Variants in PANK4 observed in about 807,000 individuals in gnomAD.
The protein encoded by PANK4 is 4'-phosphopantetheine phosphatase.
Under a neutral mutation model 87.9 loss-of-function variants are expected in PANK4, and 40 were observed. The ratio of observed to expected loss-of-function variants is 0.46; its 90% CI spans 0.35 to 0.59. The LOEUF (loss-of-function observed/expected upper bound fraction) is 0.59, where lower values mean the gene tolerates loss of function less well. Ranked by LOEUF, PANK4 falls within the 20% of genes least tolerant of loss-of-function variation. PANK4 has a pLI of 0.00. For missense variants in PANK4, 926 were observed against 1,072.3 expected, an observed-to-expected ratio of 0.86 and a Z score of 1.90; for synonymous variants, 524 against 467.4, an observed-to-expected ratio of 1.12 and a Z score of -1.56.
In PANK4 at chr1:2,520,191, C is replaced by T; in HGVS notation, c.699+131G>A. 3 of 877,370 alleles carry T rather than the reference C, an allele frequency of 3.4e-6. No homozygotes were observed. Among genetic ancestry groups the T allele is most frequent in the Non-Finnish European group, 5.5e-6 (3 of 546,010 alleles). The allele number at this position is 877,370 out of a possible 1,614,324, so 54.3% of individuals were successfully genotyped here. ...GCGCAAAGAGTGAAGCCGCAGAGGC[C>T]AGAGACCCACTGACGCGAGTCAGGA... On this transcript the variant is annotated intron_variant, in intron 5 of 18. Coordinates refer to ENST00000378466, the MANE Select transcript of PANK4 (RefSeq NM_018216.4). The surrounding 1 kb of genome is among the most constrained non-coding windows in gnomAD (Gnocchi z 6.2).
chr1:2,515,250 A>G lies in PANK4; in HGVS notation c.1374+312T>C, dbSNP rs1305100744. 3.7e-6 allele frequency: 2 copies of G among 547,470 alleles called. No homozygotes were observed. The highest frequency in any genetic ancestry group is 7.0e-6 in the Non-Finnish European group (2 of 284,696). 33.9% of individuals were successfully genotyped at this position (547,470 alleles called of 1,614,324 possible). On this transcript the variant is annotated intron_variant, in intron 10 of 18. Coordinates refer to ENST00000378466, the MANE Select transcript of PANK4 (RefSeq NM_018216.4). The surrounding 1 kb of genome is among the most constrained non-coding windows in gnomAD (Gnocchi z 5.0). ...GGTCCCACAATGCCTCCCGCACCTC[A>G]GTCACACCTCAAAAGAGCAGAGACG...
Position 2,519,026 on chromosome 1 carries a change from C to T in PANK4, c.1035+117G>A. The stretch of plus-strand genomic sequence containing the variant: ...GTCAGAAGGGAGGGGTGCTGGGCTT[C>T]TTGGCCCCCACCCTCCAGGCCTCCC... On this transcript the variant is annotated intron_variant, in intron 7 of 18. Transcript: ENST00000378466. The surrounding 1 kb of genome is among the most constrained non-coding windows in gnomAD (Gnocchi z 8.3). 2 of 972,158 alleles carry T rather than the reference C, an allele frequency of 2.1e-6. No individual in the cohort carries two copies. The highest frequency in any genetic ancestry group is 3.1e-6 in the Non-Finnish European group (2 of 644,294). The allele number at this position is 972,158 out of a possible 1,614,324, so 60.2% of individuals were successfully genotyped here. A position where few individuals can be genotyped will look rare whatever the true frequency, so the allele number is the denominator to read the frequency against.
chr1:2,513,374 G>C (rs1367136306), intron 12 of PANK4, among the ~76,000 whole-genome samples: 1 of 152,260 alleles, frequency 6.6e-6, no homozygotes, highest in Non-Finnish European at 1.5e-5. Flanking sequence ...ACAAGGCTCG[G>C]CGTGTGAGGG....
Position 2,509,946 on chromosome 1 carries a change from T to C in PANK4, c.2040-16A>G, listed in dbSNP as rs200709447. 7.3e-5 allele frequency: 118 copies of C among 1,609,078 alleles called. No homozygotes were observed. In the East Asian group the frequency reaches 2.0e-3, roughly 27 times the overall value. On this transcript the variant is annotated splice_polypyrimidine_tract_variant and intron_variant, in intron 17 of 18. Transcript: ENST00000378466. The surrounding 1 kb of genome is among the most constrained non-coding windows in gnomAD (Gnocchi z 4.9). ...GAGCGCAGAGCTGCCAGATACAAGG[T>C]GGTCAGTGCCCCCAGGAGCTCCCAG...
Position 2,513,030 on chromosome 1 carries a change from G to A in PANK4, c.1585C>T (p.Arg529Trp), listed in dbSNP as rs12403246. Residue 529 changes from arginine to tryptophan, a missense_variant, in exon 13 of 19, where the codon CGG becomes TGG. Arg to Trp is a moderately radical substitution (Grantham distance 101, BLOSUM62 -3). Coordinates refer to ENST00000378466, the MANE Select transcript of PANK4 (RefSeq NM_018216.4). Reference sequence around the variant, plus strand: ...CACCTCAGCGCCACGCCATTCTCCCGCTGCTTCACCTGTGGAGAGTGCCAG... The same window carrying A: ...CACCTCAGCGCCACGCCATTCTCCCACTGCTTCACCTGTGGAGAGTGCCAG... Reference protein sequence around the residue: ...FPDPYSKVKQRENGVALRCFP... With the variant: ...FPDPYSKVKQWENGVALRCFP... 1.1e-3 allele frequency: 1,719 copies of A among 1,601,700 alleles called. 28 individuals are homozygous for A. In the Admixed American group the frequency reaches 0.028, roughly 26 times the overall value.
At position 2,512,873 on chromosome 1, in the gene PANK4, C is replaced by A. The variant is rs1643686536; in HGVS notation, c.1727+15G>T. Reference sequence around the variant, plus strand: ...CACAGGCTGCAGAGCCTGCTCCGAGCCCGCAGACACCTACGCAGACACGGC... The same window carrying A: ...CACAGGCTGCAGAGCCTGCTCCGAGACCGCAGACACCTACGCAGACACGGC... On this transcript the variant is annotated intron_variant, in intron 13 of 18. Transcript: ENST00000378466. The A allele has an allele frequency of 1.2e-6, 2 of 1,612,022 alleles. No individual in the cohort carries two copies. The highest frequency in any genetic ancestry group is 1.7e-6 in the Non-Finnish European group (2 of 1,179,384).
chr1:2,519,159 A>G lies in PANK4; in HGVS notation c.1019T>C (p.Ile340Thr). 6.2e-7 allele frequency: 1 copy of G among 1,611,976 alleles called. No homozygotes were observed. The highest frequency in any genetic ancestry group is 1.1e-5 in the South Asian group (1 of 91,024). The change falls in exon 7 of 19, where the codon ATC becomes ACC. Residue 340 changes from isoleucine (I) to threonine (T), a missense_variant. Coordinates refer to ENST00000378466, the MANE Select transcript of PANK4 (RefSeq NM_018216.4). The surrounding 1 kb of genome is among the most constrained non-coding windows in gnomAD (Gnocchi z 8.3). ...ATCCGTTACCTTGGAGAAGAAGTTG[A>G]TGCTATAGGTGATGGTGCGCATGGT... is the stretch of plus-strand genomic sequence containing the variant. ...PVTMRTITYS[I>T]NFFSKGEVQA...
At chr1:2,521,519 G>A in intron 2 of PANK4, 199 bp downstream of exon 2, 1 of 694,318 alleles carries the variant, frequency 1.4e-6, no homozygotes, top group Non-Finnish European at 2.6e-6. Flanking sequence ...TCTCCCGGGG[G>A]AGCACAGGCG....
intron 7 of PANK4, 92 bp from the exon 8 acceptor site, chr1:2,518,689 C>T (rs372896557): frequency 5.4e-5 from 60 of 1,113,552 alleles, no homozygotes; most frequent in East Asian, 4.9e-4. Context: ...CCTCGCACCG[C>T]GCGGCCCAAA....
At chr1:2,518,305 C>T in intron 8 of PANK4, 41 bp from the exon 9 acceptor site, 1 of 1,426,018 alleles carries the variant, frequency 7.0e-7, no homozygotes, top group South Asian at 1.2e-5. Flanking sequence ...TAACCTTGCC[C>T]TTGATTCAAA....
In PANK4 at chr1:2,508,905, T is replaced by G; in HGVS notation, c.2264A>C (p.Glu755Ala). 3 of 1,609,508 alleles carry G rather than the reference T, an allele frequency of 1.9e-6. No individual in the cohort carries two copies. The highest frequency in any genetic ancestry group is 2.5e-6 in the Non-Finnish European group (3 of 1,178,560). Residue 755 changes from glutamate (E) to alanine (A), a missense_variant, in exon 19 of 19, where the codon GAG becomes GCG. Coordinates refer to ENST00000378466, the MANE Select transcript of PANK4 (RefSeq NM_018216.4). The surrounding 1 kb of genome is among the most constrained non-coding windows in gnomAD (Gnocchi z 5.1). ...LAVIKNAWLA[E>A]RLGGRLFSVI... ...GCTGAAGAGCCGGCCGCCCAGCCGCTCGGCCAGCCACGCGTTCTTGATGAC... is the reference window on the plus strand; with the variant it reads ...GCTGAAGAGCCGGCCGCCCAGCCGCGCGGCCAGCCACGCGTTCTTGATGAC...
In PANK4 at chr1:2,512,689, G is replaced by A. The variant is rs955943731; in HGVS notation, c.1727+199C>T. ...AAGGGGCCTCCTCAGAACCTGAGGG[G>A]ACAGACAAGGGCGCTGCGCCCTGCC... On this transcript the variant is annotated intron_variant, in intron 13 of 18. Transcript: ENST00000378466. 4.9e-5 allele frequency: 29 copies of A among 590,450 alleles called. No individual in the cohort carries two copies. The South Asian group carries it at 5.3e-4, about 11-fold the overall frequency. 36.6% of individuals were successfully genotyped at this position (590,450 alleles called of 1,614,324 possible).
rs774496382 is a variant in PANK4, at chr1:2,518,163, C to A, written c.1218+1G>T. On this transcript the variant is annotated splice_donor_variant, in intron 9 of 18. Transcript: ENST00000378466. LOFTEE classifies it high-confidence loss of function. ...CGGGGCGGCCAGAGCCCACTACTCA[C>A]AGTGCCACTCCGCGCCCGCTGCGCC... 1 of 1,596,514 alleles carries A rather than the reference C, an allele frequency of 6.3e-7. No homozygotes were observed. The highest frequency in any genetic ancestry group is 8.5e-7 in the Non-Finnish European group (1 of 1,173,082).
At chr1:2,517,249 G>C (rs959814901) in intron 9 of PANK4, among the ~76,000 whole-genome samples, 4 of 152,218 alleles carry the variant, frequency 2.6e-5, no homozygotes, top group African/African-American at 9.6e-5. Context: ...GGCCAGTGTG[G>C]TGCGTCTGTG....
At chr1:2,523,514 A>G (rs1643895419) in intron 1 of PANK4, among the ~76,000 whole-genome samples, 1 of 152,220 alleles carries the variant, frequency 6.6e-6, no homozygotes, top group African/African-American at 2.4e-5. Flanking sequence ...CTCAGGTCAC[A>G]GAAATCCAGT....
chr1:2,518,068 G>T, intron 9 of PANK4, 96 bp downstream of exon 9: 1 of 687,686 alleles, frequency 1.5e-6, no homozygotes, highest in Non-Finnish European at 2.4e-6. Flanking sequence ...CCTTTCAGCC[G>T]GGACAGCCAC....
At chr1:2,513,593 G>A (rs952864339) in intron 12 of PANK4, among the ~76,000 whole-genome samples, 1 of 152,214 alleles carries the variant, frequency 6.6e-6, no homozygotes, top group Non-Finnish European at 1.5e-5. Flanking sequence ...CCTCCTAGGA[G>A]GGAGCCAGGG....
In PANK4 at chr1:2,520,097, G is replaced by A. The variant is rs947352505; in HGVS notation, c.700-143C>T. 6.8e-6 allele frequency: 6 copies of A among 881,342 alleles called. No individual in the cohort carries two copies. Among genetic ancestry groups the A allele is most frequent in the Non-Finnish European group, 6.8e-6 (4 of 587,768 alleles). 54.6% of individuals were successfully genotyped at this position (881,342 alleles called of 1,614,324 possible). On this transcript the variant is annotated intron_variant, in intron 5 of 18. Transcript: ENST00000378466. The surrounding 1 kb of genome is among the most constrained non-coding windows in gnomAD (Gnocchi z 6.2). ...CGCGTGGGACCAAAGGCAGGAGGCGGCAAGCGGGACCCTCGGGCCACCCAG... is the reference window on the plus strand; with the variant it reads ...CGCGTGGGACCAAAGGCAGGAGGCGACAAGCGGGACCCTCGGGCCACCCAG...
At position 2,520,589 on chromosome 1, in the gene PANK4, G is replaced by A. The variant is rs1375088298; in HGVS notation, c.606+134C>T. 7.6e-6 allele frequency: 8 copies of A among 1,055,214 alleles called. No homozygotes were observed. In the Admixed American group the frequency reaches 1.6e-4, roughly 21 times the overall value. 65.4% of individuals were successfully genotyped at this position (1,055,214 alleles called of 1,614,324 possible). ...GATGCCCCTCCCACAGAGGCTCTGA[G>A]CTCACAGCCTCGCCACCCCCCTCCC... On this transcript the variant is annotated intron_variant, in intron 4 of 18. Transcript: ENST00000378466. This position sits in a 1 kb window ranked among gnomAD's most constrained non-coding sequence, Gnocchi z 6.2.
Sources: gnomAD v4.1 joint callset for allele counts (sites outside exome capture counted in the v4.1 genomes callset) on GRCh38, gnomAD v4.1.1 for gene constraint, Gnocchi (gnomAD v3.1) non-coding constraint, MANE v1.5 for transcripts, NCBI Gene and HGNC (gene_info 2026-07-23, HGNC 2026-07-21) for gene names.